The following RASGRP1 variants were observed in gnomAD, a reference collection of about 807,000 sequenced individuals.
RASGRP1 encodes the protein RAS guanyl releasing protein 1.
Under a neutral mutation model 95.1 loss-of-function variants are expected in RASGRP1, and 37 were observed. The observed-to-expected ratio is 0.39, with a 90% CI of 0.30 to 0.51. The LOEUF (loss-of-function observed/expected upper bound fraction) is 0.51, where lower values mean the gene tolerates loss of function less well. Among genes scored for constraint, RASGRP1 ranks in the 20% least tolerant of loss-of-function variants. The pLI is 0.80. For synonymous variants in RASGRP1, 325 were observed against 353.4 expected (o/e 0.92, Z 0.90); for missense variants, 711 against 965.4 (o/e 0.74, Z 3.49).
intron 3 of RASGRP1, among the ~76,000 whole-genome samples, chr15:38,524,901 G>T (rs1281760200): frequency 1.3e-5 from 2 of 152,060 alleles, no homozygotes; most frequent in East Asian, 1.9e-4. Context: ...AAGGGAGGGG[G>T]GGTCTGCCCC....
Position 38,503,269 on chromosome 15 carries a change from T to TA in RASGRP1, c.1428+2dup. The TA allele has an allele frequency of 6.2e-7, 1 of 1,600,570 alleles. No homozygotes were observed. Among genetic ancestry groups the TA allele is most frequent in the South Asian group, 1.1e-5 (1 of 89,770 alleles). On this transcript the variant is annotated splice_region_variant and intron_variant, in intron 11 of 16. Transcript: ENST00000310803. Reference sequence around the variant, plus strand: ...TTTGTGTGCTGAACACAGCTGTACTTACATCCACCATCCTCTGGACGTGTT... The same window carrying TA: ...TTTGTGTGCTGAACACAGCTGTACTTAACATCCACCATCCTCTGGACGTGTT...
At chr15:38,526,143 C>T (rs1415682663) in intron 3 of RASGRP1, 156 bp downstream of exon 3, 1 of 632,950 alleles carries the variant, frequency 1.6e-6, no homozygotes, top group South Asian at 1.8e-5. Context: ...TGAACACACC[C>T]CCAACACATG....
rs1205871067 is a variant in RASGRP1 at position 38,542,860 on chromosome 15, T to TAC, written c.221-16458_221-16457dup. 2.1e-3 allele frequency among the ~76,000 whole-genome samples: 260 copies of TAC among 122,472 alleles called. 2 individuals are homozygous for TAC. The highest frequency in any genetic ancestry group is 4.0e-3 in the Middle Eastern group (1 of 248). 80.3% of individuals were successfully genotyped at this position (122,472 alleles called of 152,430 possible). On this transcript the variant is annotated intron_variant, in intron 2 of 16. Coordinates refer to ENST00000310803, the MANE Select transcript of RASGRP1 (RefSeq NM_005739.4). Reference sequence around the variant, plus strand: ...GTATATATATATATGTGTATATATATACACATATATGTGTATATATATACA... The same window carrying TAC: ...GTATATATATATATGTGTATATATATACACACATATATGTGTATATATATACA...
At chr15:38,547,229 G>T (rs1376770439) in intron 2 of RASGRP1, among the ~76,000 whole-genome samples, 1 of 152,192 alleles carries the variant, frequency 6.6e-6, no homozygotes, top group East Asian at 1.9e-4. Context: ...AGCAGAGCCT[G>T]TAAGTTCCCA....
intron 1 of RASGRP1, among the ~76,000 whole-genome samples, chr15:38,561,662 T>C (rs530108159): frequency 2.0e-5 from 3 of 152,230 alleles, no homozygotes; most frequent in Non-Finnish European, 2.9e-5. Flanking sequence ...CTTCAGGTTG[T>C]TTCAAACTAG....
chr15:38,493,179 CTTTT>C (rs71418810), intron 16 of RASGRP1, among the ~76,000 whole-genome samples: 7,080 of 104,388 alleles, frequency 0.068, 262 homozygotes, highest in Non-Finnish European at 0.097. Flanking sequence ...CACGCCGGGC[CTTTT>C]TTTTTTTTTT....
At position 38,518,433 on chromosome 15, in the gene RASGRP1, G is replaced by A. The variant is rs1253168955; in HGVS notation, c.390-10C>T. 6.3e-7 allele frequency: 1 copy of A among 1,595,976 alleles called. No individual in the cohort carries two copies. Among genetic ancestry groups the A allele is most frequent in the Non-Finnish European group, 8.5e-7 (1 of 1,170,666 alleles). On this transcript the variant is annotated splice_polypyrimidine_tract_variant and intron_variant, in intron 4 of 16. Transcript: ENST00000310803. Reference sequence around the variant, plus strand: ...TTCTGTTATCCAATACCTACAAGGAGGGGGTTAAAAAACACAATCCAAAAC... The same window carrying A: ...TTCTGTTATCCAATACCTACAAGGAAGGGGTTAAAAAACACAATCCAAAAC...
At chr15:38,495,145 T>C (rs1329276753) in intron 15 of RASGRP1, among the ~76,000 whole-genome samples, 2 of 152,206 alleles carry the variant, frequency 1.3e-5, no homozygotes, top group Non-Finnish European at 2.9e-5. Context: ...CCCTGGAATT[T>C]GGGAGCTCTC....
At chr15:38,495,385 T>C (rs1436449020) in intron 15 of RASGRP1, among the ~76,000 whole-genome samples, 2 of 152,162 alleles carry the variant, frequency 1.3e-5, no homozygotes, top group Non-Finnish European at 2.9e-5. Context: ...ATGTTAGCCA[T>C]AAGGAGTAAT....
intron 2 of RASGRP1, among the ~76,000 whole-genome samples, chr15:38,545,401 G>A (rs972064155): frequency 1.3e-5 from 2 of 152,176 alleles, no homozygotes; most frequent in East Asian, 1.9e-4. Context: ...TTTAGGAAAC[G>A]CTCCTTCCCC....
At chr15:38,541,354 T>C (rs1223795930) in intron 2 of RASGRP1, among the ~76,000 whole-genome samples, 2 of 151,550 alleles carry the variant, frequency 1.3e-5, no homozygotes, top group African/African-American at 4.9e-5. Flanking sequence ...ACTTGGGGAG[T>C]CTGGGGCGGG....
At chr15:38,546,752 T>A (rs1893121395) in intron 2 of RASGRP1, among the ~76,000 whole-genome samples, 1 of 152,218 alleles carries the variant, frequency 6.6e-6, no homozygotes, top group African/African-American at 2.4e-5. Context: ...CTAATTATTT[T>A]AACTTTTGGA....
At chr15:38,519,577 A>C (rs148868575) in intron 3 of RASGRP1, among the ~76,000 whole-genome samples, 1,663 of 152,314 alleles carry the variant, frequency 0.011, 16 homozygotes, top group Non-Finnish European at 0.014. Flanking sequence ...CGATGATGGT[A>C]ATTTTCTCTC....
At chr15:38,512,274 T>A (rs997686608) in intron 7 of RASGRP1, among the ~76,000 whole-genome samples, 1 of 152,244 alleles carries the variant, frequency 6.6e-6, no homozygotes, top group Non-Finnish European at 1.5e-5. Flanking sequence ...AGTGCCTATA[T>A]AGGACAGTAA....
intron 8 of RASGRP1, among the ~76,000 whole-genome samples, chr15:38,508,465 G>A (rs1891355765): frequency 6.6e-6 from 1 of 152,138 alleles, no homozygotes; most frequent in Admixed American, 6.5e-5. Flanking sequence ...TGCTGACTAT[G>A]TTGCTGGCAT....
At chr15:38,501,059 A>C (rs1890999630) in intron 13 of RASGRP1, 84 bp downstream of exon 13, 2 of 1,427,846 alleles carry the variant, frequency 1.4e-6, no homozygotes, top group East Asian at 2.3e-5. Flanking sequence ...ATGGGTTCAT[A>C]AGGATTGTGA....
chr15:38,503,359 C>T lies in RASGRP1; in HGVS notation c.1341G>A (p.Lys447=). 1 of 1,610,372 alleles carries T rather than the reference C, an allele frequency of 6.2e-7. No homozygotes were observed. Among genetic ancestry groups the T allele is most frequent in the Non-Finnish European group, 8.5e-7 (1 of 1,178,058 alleles). The change falls in exon 11 of 17, where the codon AAG becomes AAA. Residue 447 remains lysine, a synonymous_variant. Coordinates refer to ENST00000310803, the MANE Select transcript of RASGRP1 (RefSeq NM_005739.4). ...AAGCCCAGTCCACTACTACTGGTGG[C>T]TTTGAAGGTGTTAGTGGCTAAAATG... ...NHRAPPLTPS[K]PPVVVDWASG...
Position 38,559,951 on chromosome 15 carries a change from T to C in RASGRP1, c.90A>G (p.Pro30=), listed in dbSNP as rs372185561. Residue 30 remains proline (P), a synonymous_variant, in exon 2 of 17, where the codon CCA becomes CCG. Transcript: ENST00000310803. ...GATGGGAGGGGAAGGGGCTGTTGGCTGGCTTTGCCTCTAGTCTTGCTTTAG... is the reference window on the plus strand; with the variant it reads ...GATGGGAGGGGAAGGGGCTGTTGGCCGGCTTTGCCTCTAGTCTTGCTTTAG... The part of the protein sequence containing the change: ...AASKARLEAK[P]ANSPFPSHPS... The C allele has an allele frequency of 6.8e-6, 11 of 1,613,690 alleles. No homozygotes were observed. Among genetic ancestry groups the C allele is most frequent in the East Asian group, 4.5e-5 (2 of 44,872 alleles).
At chr15:38,564,028 C>G (rs943028935) in intron 1 of RASGRP1, among the ~76,000 whole-genome samples, 1 of 152,226 alleles carries the variant, frequency 6.6e-6, no homozygotes, top group Non-Finnish European at 1.5e-5. Context: ...TCTATAGAAT[C>G]ATAGTGAGGG....
Sources: gnomAD v4.1 joint callset for allele counts (sites outside exome capture counted in the v4.1 genomes callset) on GRCh38, gnomAD v4.1.1 for gene constraint, MANE v1.5 for transcripts, NCBI Gene and HGNC (gene_info 2026-07-23, HGNC 2026-07-21) for gene names.